ANKS3: variants seen among roughly 807,000 people sequenced by gnomAD.
ANKS3 encodes ankyrin repeat and sterile alpha motif domain containing 3.
In ANKS3, 62 loss-of-function variants were observed where a neutral mutation model predicts 80.7. The observed-to-expected ratio is 0.77, with a 90% confidence interval of 0.63 to 0.95. ANKS3 has a LOEUF of 0.95. Ranked by LOEUF, ANKS3 falls within the 40% of genes least tolerant of loss-of-function variation. The pLI is 0.00. For synonymous variants in ANKS3, 489 were observed against 355.3 expected, an observed-to-expected ratio of 1.38 and a Z score of -4.23; for missense variants, 1,150 against 883.6, an observed-to-expected ratio of 1.30 and a Z score of -3.82.
Position 4,697,009 on chromosome 16 carries a change from ACACT to A in ANKS3, c.*11+4_*11+7del. The A allele has an allele frequency of 1.2e-6, 2 of 1,611,450 alleles. No homozygotes were observed. Among genetic ancestry groups the A allele is most frequent in the East Asian group, 2.2e-5 (1 of 44,794 alleles). The stretch of plus-strand genomic sequence containing the variant: ...CACCACGCGGGATCCAGGCTGGCAG[ACACT>A]CACCGGCCCGCAGGCTAGGTCTCCC... On this transcript the variant is annotated splice_donor_5th_base_variant and intron_variant, in intron 17 of 17. Coordinates refer to ENST00000304283, the MANE Select transcript of ANKS3 (RefSeq NM_133450.4).
intron 3 of ANKS3, among the ~76,000 whole-genome samples, chr16:4,728,581 T>TACC (rs2081474366): frequency 6.6e-6 from 1 of 152,098 alleles, no homozygotes; most frequent in South Asian, 2.1e-4. Flanking sequence ...GGGGCTCTCT[T>TACC]ACCACTCCTC....
chr16:4,702,277 C>A (rs2142038448), intron 8 of ANKS3, 35 bp from the exon 9 acceptor site: 1 of 1,447,462 alleles, frequency 6.9e-7, no homozygotes, highest in Non-Finnish European at 9.1e-7. Context: ...GCCCAGGGAA[C>A]TCCAAAGTGA....
intron 6 of ANKS3, among the ~76,000 whole-genome samples, chr16:4,719,796 TA>T (rs966806390): frequency 2.0e-5 from 3 of 151,264 alleles, no homozygotes; most frequent in Non-Finnish European, 4.4e-5. Flanking sequence ...AGACCCTATA[TA>T]AAAAAAATAA....
rs1001128187 is a variant in ANKS3 at position 4,701,440 on chromosome 16, G to A, written c.1113C>T (p.Ser371=). The part of the protein sequence containing the change: ...QGLSSEASVE[S]NEDSDHACKS... Reference sequence around the variant, plus strand: ...AGAAAGAAAGAATCCGTACCTCGTTGCTCTCCACAGAAGCTTCGCTGCTGA... The same window carrying A: ...AGAAAGAAAGAATCCGTACCTCGTTACTCTCCACAGAAGCTTCGCTGCTGA... The change falls in exon 10 of 18, where the codon AGC becomes AGT. Residue 371 remains serine (S), a synonymous_variant. Transcript: ENST00000304283. The A allele has an allele frequency of 2.5e-6, 4 of 1,599,634 alleles. No homozygotes were observed. The highest frequency in any genetic ancestry group is 2.6e-6 in the Non-Finnish European group (3 of 1,171,260).
At chr16:4,726,847 C>A (rs1039430931) in intron 4 of ANKS3, 67 bp from the exon 5 acceptor site, 13 of 1,597,102 alleles carry the variant, frequency 8.1e-6, no homozygotes, top group Non-Finnish European at 1.1e-5. Flanking sequence ...GCCCTCCAGG[C>A]GGCCATGCTG....
chr16:4,701,360 T>C, intron 10 of ANKS3, 74 bp downstream of exon 10: 1 of 1,427,464 alleles, frequency 7.0e-7, no homozygotes, highest in Non-Finnish European at 9.5e-7. Context: ...ATGCTCATCT[T>C]AAAGTAACTG....
intron 14 of ANKS3, 165 bp downstream of exon 14, chr16:4,698,262 G>A: frequency 6.8e-6 from 8 of 1,178,852 alleles, no homozygotes; most frequent in Non-Finnish European, 9.2e-6. Context: ...TCCTGCCTGG[G>A]TCTGCCTGCA....
chr16:4,701,452 AGCT>A lies in ANKS3; in HGVS notation c.1098_1100del (p.Glu366_Ala367delinsAsp). 6.2e-7 allele frequency: 1 copy of A among 1,607,406 alleles called. No individual in the cohort carries two copies. The highest frequency in any genetic ancestry group is 8.5e-7 in the Non-Finnish European group (1 of 1,175,806). ...TCCGTACCTCGTTGCTCTCCACAGAAGCTTCGCTGCTGAGCCCCTGGGCTCTGG... is the reference window on the plus strand; with the variant it reads ...TCCGTACCTCGTTGCTCTCCACAGAATCGCTGCTGAGCCCCTGGGCTCTGG... On this transcript the variant is annotated inframe_deletion, in exon 10 of 18. Transcript: ENST00000304283.
intron 8 of ANKS3, among the ~76,000 whole-genome samples, chr16:4,702,544 G>A (rs2079974597): frequency 6.6e-6 from 1 of 152,154 alleles, no homozygotes; most frequent in Non-Finnish European, 1.5e-5. Flanking sequence ...TGCCTGACCA[G>A]AGAAAACTAT....
intron 2 of ANKS3, 134 bp from the exon 3 acceptor site, chr16:4,730,285 C>G (rs2081552203): frequency 1.3e-6 from 1 of 780,968 alleles, no homozygotes; most frequent in Non-Finnish European, 1.8e-6. Flanking sequence ...GGGAGTAACT[C>G]AGACAAATTT....
In ANKS3 at chr16:4,697,027, G is replaced by C. The variant is rs899045936; in HGVS notation, c.*1C>G. 3 of 1,612,036 alleles carry C rather than the reference G, an allele frequency of 1.9e-6. No homozygotes were observed. On this transcript the variant is annotated 3_prime_UTR_variant, in exon 17 of 18. Coordinates refer to ENST00000304283, the MANE Select transcript of ANKS3 (RefSeq NM_133450.4). ...CTGGCAGACACTCACCGGCCCGCAG[G>C]CTAGGTCTCCCGCCACTTCTTCCCG...
At chr16:4,712,160 CAG>C (rs1317216939) in intron 7 of ANKS3, among the ~76,000 whole-genome samples, 142 of 151,910 alleles carry the variant, frequency 9.3e-4, no homozygotes, top group African/African-American at 3.4e-3. Flanking sequence ...CACTGGAGAT[CAG>C]GAGTTCGAGA....
chr16:4,699,488 G>A, intron 11 of ANKS3: 1 of 369,738 alleles, frequency 2.7e-6, no homozygotes, highest in South Asian at 3.1e-5. Flanking sequence ...ATGCTTTGTA[G>A]GCGGAGAGCG....
chr16:4,707,306 G>C (rs980065416), intron 7 of ANKS3, among the ~76,000 whole-genome samples: 2 of 131,232 alleles, frequency 1.5e-5, no homozygotes, highest in African/African-American at 2.9e-5. Flanking sequence ...TTTTGAAACA[G>C]AGTTTCACTC....
rs200051479 is a variant in ANKS3, at chr16:4,701,437, G to A, written c.1116C>T (p.Asn372=). Residue 372 remains asparagine, a synonymous_variant, in exon 10 of 18, where the codon AAC becomes AAT. Transcript: ENST00000304283. The stretch of plus-strand genomic sequence containing the variant: ...CCAAGAAAGAAAGAATCCGTACCTC[G>A]TTGCTCTCCACAGAAGCTTCGCTGC... ...GLSSEASVES[N]EDSDHACKSS... The A allele has an allele frequency of 2.1e-5, 34 of 1,598,426 alleles. No individual in the cohort carries two copies. The highest frequency in any genetic ancestry group is 1.3e-4 in the African/African-American group (10 of 74,506).
Position 4,721,106 on chromosome 16 carries a change from C to T in ANKS3, c.573+3644G>A, listed in dbSNP as rs1298098811. On this transcript the variant is annotated intron_variant, in intron 6 of 17. Coordinates refer to ENST00000304283, the MANE Select transcript of ANKS3 (RefSeq NM_133450.4). Reference sequence around the variant, plus strand: ...GGATCACGAGGTCAGGAGATCGAGACCATCCTGGCTAACGCGGTGAAACCC... The same window carrying T: ...GGATCACGAGGTCAGGAGATCGAGATCATCCTGGCTAACGCGGTGAAACCC... 2.0e-5 allele frequency among the ~76,000 whole-genome samples: 3 copies of T among 147,164 alleles called. 1 individual carries two copies. The highest frequency in any genetic ancestry group is 4.5e-5 in the Non-Finnish European group (3 of 67,000).
In ANKS3 at chr16:4,727,348, T is replaced by C. The variant is rs111902414; in HGVS notation, c.171-171A>G. The C allele has an allele frequency of 2.4e-4, 165 of 675,768 alleles. 1 individual carries two copies. In the African/African-American group the frequency reaches 2.6e-3, roughly 11 times the overall value. The allele number at this position is 675,768 out of a possible 1,614,324, so 41.9% of individuals were successfully genotyped here. A position where few individuals can be genotyped will look rare whatever the true frequency, so the allele number is the denominator to read the frequency against. On this transcript the variant is annotated intron_variant, in intron 3 of 17. Transcript: ENST00000304283. ...AGGCAGGCAGAAAAATGCTGACAGT[T>C]GCTCGTACACTGCCTTGTGAGGCCC...
intron 7 of ANKS3, among the ~76,000 whole-genome samples, chr16:4,712,331 G>A (rs1005725761): frequency 6.6e-6 from 1 of 151,948 alleles, no homozygotes; most frequent in African/African-American, 2.4e-5. Context: ...AGTGAGCTGA[G>A]ATCTCGCCAC....
rs1007456988 is a variant in ANKS3, at chr16:4,716,922, TA to T, written c.574-2737del. 3.4e-5 allele frequency among the ~76,000 whole-genome samples: 5 copies of T among 148,748 alleles called. No homozygotes were observed. In the Admixed American group the frequency reaches 3.4e-4, roughly 10 times the overall value. On this transcript the variant is annotated intron_variant, in intron 6 of 17. Transcript: ENST00000304283. ...AGACTGAGATTCCATCTCAAAAAAA[TA>T]ATAATAAATAATAACAATAATTTAT...
Sources: allele counts gnomAD v4.1 joint callset (sites outside exome capture counted in the v4.1 genomes callset), GRCh38; gene constraint gnomAD v4.1.1; transcripts MANE v1.5; gene names NCBI Gene and HGNC (gene_info 2026-07-23, HGNC 2026-07-21).